The following SH3RF3 variants were observed in gnomAD, a reference collection of about 807,000 sequenced individuals.
The protein encoded by SH3RF3 is SH3 domain containing ring finger 3, also known as E3 ubiquitin-protein ligase SH3RF3.
Under a neutral mutation model 66.3 loss-of-function variants are expected in SH3RF3, and 29 were observed. That is an observed-to-expected ratio of 0.44 (90% confidence interval 0.33 to 0.60). SH3RF3 has a LOEUF of 0.60. SH3RF3 is among the 20% of genes least tolerant of loss of function. SH3RF3 has a pLI of 0.04. For synonymous variants in SH3RF3, 583 were observed against 532.0 expected, an observed-to-expected ratio of 1.10 and a Z score of -1.32; for missense variants, 1,194 against 1,190.9, an observed-to-expected ratio of 1.00 and a Z score of -0.04.
chr2:109,252,184 G>A (rs1335847333), intron 1 of SH3RF3, among the ~76,000 whole-genome samples: 1 of 151,236 alleles, frequency 6.6e-6, no homozygotes, highest in Non-Finnish European at 1.5e-5. Context: ...GGAGGCAGAG[G>A]TTGCAGTGAA....
intron 6 of SH3RF3, 93 bp downstream of exon 6, chr2:109,432,764 C>A (rs1405811094): frequency 3.4e-6 from 5 of 1,469,352 alleles, no homozygotes; most frequent in Non-Finnish European, 9.0e-7. Context: ...CTCTGTCAGC[C>A]GGGCCCAGAA....
chr2:109,445,321 A>C (rs559893744), intron 7 of SH3RF3, among the ~76,000 whole-genome samples: 1 of 152,332 alleles, frequency 6.6e-6, no homozygotes, highest in South Asian at 2.1e-4. Flanking sequence ...AAGTCCTCAC[A>C]CAGAAAGCAC....
intron 4 of SH3RF3, among the ~76,000 whole-genome samples, chr2:109,400,690 A>ACT (rs1676290853): frequency 6.6e-6 from 1 of 151,720 alleles, no homozygotes; most frequent in Non-Finnish European, 1.5e-5. Flanking sequence ...TGGTGGATAC[A>ACT]CACCTGCACG....
At chr2:109,436,212 A>G (rs1559082752) in intron 6 of SH3RF3, among the ~76,000 whole-genome samples, 1 of 152,348 alleles carries the variant, frequency 6.6e-6, no homozygotes, top group South Asian at 2.1e-4. Flanking sequence ...CTGAATCCAC[A>G]GAAGCTTCCA....
At chr2:109,199,602 T>TTAACCC (rs1558953936) in intron 1 of SH3RF3, among the ~76,000 whole-genome samples, 3 of 336 alleles carry the variant, frequency 8.9e-3, no homozygotes, top group Non-Finnish European at 0.022. Flanking sequence ...TGGAATGGAA[T>TTAACCC]GGAATGGAAT....
intron 1 of SH3RF3, among the ~76,000 whole-genome samples, chr2:109,134,052 A>T (rs1370283649): frequency 1.3e-5 from 2 of 152,156 alleles, no homozygotes; most frequent in African/African-American, 4.8e-5. Flanking sequence ...CGACAGTTGA[A>T]CTGCTTATAT....
intron 1 of SH3RF3, among the ~76,000 whole-genome samples, chr2:109,312,983 A>G (rs1222984315): frequency 6.6e-6 from 1 of 152,134 alleles, no homozygotes; most frequent in Non-Finnish European, 1.5e-5. Context: ...ACTTTTATCT[A>G]CAGTAATGCG....
At chr2:109,186,295 G>A (rs1340992320) in intron 1 of SH3RF3, among the ~76,000 whole-genome samples, 1 of 152,250 alleles carries the variant, frequency 6.6e-6, no homozygotes, top group Non-Finnish European at 1.5e-5. Context: ...CCTGACTGCA[G>A]CCCTAGTGGC....
At chr2:109,307,687 T>A (rs1313441038) in intron 1 of SH3RF3, among the ~76,000 whole-genome samples, 1 of 147,058 alleles carries the variant, frequency 6.8e-6, no homozygotes, top group Non-Finnish European at 1.5e-5. Context: ...GGTTTTTTGC[T>A]CTTGCGATAG....
chr2:109,190,176 T>A (rs1474668117), intron 1 of SH3RF3, among the ~76,000 whole-genome samples: 1 of 152,042 alleles, frequency 6.6e-6, no homozygotes, highest in East Asian at 1.9e-4. Flanking sequence ...CTTGACATCC[T>A]ATTTTTTTTT....
intron 1 of SH3RF3, among the ~76,000 whole-genome samples, chr2:109,187,147 C>T (rs913401068): frequency 6.7e-6 from 1 of 149,796 alleles, no homozygotes; most frequent in Non-Finnish European, 1.5e-5. Context: ...GGACTCTGTC[C>T]CCACGGTGCT....
chr2:109,176,908 G>C (rs761154503), intron 1 of SH3RF3, among the ~76,000 whole-genome samples: 5 of 152,210 alleles, frequency 3.3e-5, no homozygotes, highest in Non-Finnish European at 4.4e-5. Context: ...GGATGCATTT[G>C]TCAGGGTGAG....
chr2:109,401,873 T>C (rs752521254), intron 4 of SH3RF3, among the ~76,000 whole-genome samples: 1 of 152,220 alleles, frequency 6.6e-6, no homozygotes, highest in Non-Finnish European at 1.5e-5. Flanking sequence ...TTAATTTGCA[T>C]ACTACCTGGC....
At chr2:109,210,537 T>G (rs1678948686) in intron 1 of SH3RF3, among the ~76,000 whole-genome samples, 1 of 152,130 alleles carries the variant, frequency 6.6e-6, no homozygotes, top group African/African-American at 2.4e-5. Flanking sequence ...AGATGGGACA[T>G]CTGGGGCTTT....
intron 1 of SH3RF3, among the ~76,000 whole-genome samples, chr2:109,235,837 A>G (rs892536964): frequency 6.6e-6 from 1 of 152,182 alleles, no homozygotes; most frequent in Non-Finnish European, 1.5e-5. Context: ...CTCCTCTCCT[A>G]CATGCTTGAC....
rs1679442986 is a variant in SH3RF3, at chr2:109,503,269, A to T, written c.*1598A>T. The stretch of plus-strand genomic sequence containing the variant: ...TAAGCTGAAGAAACTAGCCTTTGGT[A>T]ACATAGGGTGTCATTGGTTTTCAGG... On this transcript the variant is annotated 3_prime_UTR_variant, in exon 10 of 10. Transcript: ENST00000309415. 1 of 152,236 alleles carries T rather than the reference A, an allele frequency of 6.6e-6. No individual in the cohort carries two copies. Among genetic ancestry groups the T allele is most frequent in the Non-Finnish European group, 1.5e-5 (1 of 68,042 alleles). 9.4% of individuals were successfully genotyped at this position (152,236 alleles called of 1,614,324 possible).
chr2:109,490,662 T>A lies in SH3RF3; in HGVS notation c.2206T>A (p.Ser736Thr). ...LLAGASTKKK[S>T]RSPPSVSPTH... Reference sequence around the variant, plus strand: ...AGCCGGAGCATCCACCAAGAAGAAGTCACGCTCCCCGCCATCTGTGTCTCC... The same window carrying A: ...AGCCGGAGCATCCACCAAGAAGAAGACACGCTCCCCGCCATCTGTGTCTCC... Residue 736 changes from serine to threonine, a missense_variant, in exon 9 of 10, where the codon TCA (serine) becomes ACA (threonine). Ser to Thr is a moderately conservative substitution (Grantham distance 58). Coordinates refer to ENST00000309415, the MANE Select transcript of SH3RF3 (RefSeq NM_001099289.3). 1 of 1,508,748 alleles carries A rather than the reference T, an allele frequency of 6.6e-7. No individual in the cohort carries two copies. Among genetic ancestry groups the A allele is most frequent in the Non-Finnish European group, 8.9e-7 (1 of 1,128,262 alleles). The allele number at this position is 1,508,748 out of a possible 1,614,324, so 93.5% of individuals were successfully genotyped here. A position where few individuals can be genotyped will look rare whatever the true frequency, so the allele number is the denominator to read the frequency against.
intron 1 of SH3RF3, among the ~76,000 whole-genome samples, chr2:109,316,048 T>G (rs560653795): frequency 7.5e-4 from 114 of 152,254 alleles, no homozygotes; most frequent in African/African-American, 2.3e-3. Context: ...ATTCCCAGTA[T>G]TTAGAGATTA....
At chr2:109,135,454 C>T (rs112138925) in intron 1 of SH3RF3, among the ~76,000 whole-genome samples, 145 of 152,328 alleles carry the variant, frequency 9.5e-4, no homozygotes, top group African/African-American at 3.2e-3. Flanking sequence ...GGGATGCTAT[C>T]TGCTTCTTAG....
Sources: gnomAD v4.1 joint callset for allele counts (sites outside exome capture counted in the v4.1 genomes callset) on GRCh38, gnomAD v4.1.1 for gene constraint, MANE v1.5 for transcripts, NCBI Gene and HGNC (gene_info 2026-07-23, HGNC 2026-07-21) for gene names.